The following CPNE4 variants were observed in gnomAD, a reference collection of about 807,000 sequenced individuals.
CPNE4 encodes the protein copine 4.
Under a neutral mutation model 67.9 loss-of-function variants are expected in CPNE4, and 25 were observed. That is an observed-to-expected ratio of 0.37 (90% confidence interval 0.27 to 0.51). The LOEUF is 0.51. Ranked by LOEUF, CPNE4 falls within the 20% of genes least tolerant of loss-of-function variation. The pLI is 0.93. For missense variants in CPNE4, 464 were observed against 690.8 expected (o/e 0.67, Z 3.68); for synonymous variants, 242 against 244.9 (o/e 0.99, Z 0.11).
At chr3:131,817,401 T>A (rs1403782452) in intron 2 of CPNE4, among the ~76,000 whole-genome samples, 4 of 152,136 alleles carry the variant, frequency 2.6e-5, no homozygotes, top group Non-Finnish European at 4.4e-5. Flanking sequence ...ATCTGTTATA[T>A]TCAAGAAACA....
chr3:131,789,595 C>T (rs568907416), intron 2 of CPNE4, among the ~76,000 whole-genome samples: 1 of 152,260 alleles, frequency 6.6e-6, no homozygotes, highest in East Asian at 1.9e-4. Context: ...GCATGTAAAG[C>T]AATACCAGTA....
In CPNE4 at chr3:131,802,720, G is replaced by T. The variant is rs115238420; in HGVS notation, c.181-79095C>A. Among the ~76,000 whole-genome samples, 1,037 of 152,286 alleles carry T rather than the reference G, an allele frequency of 6.8e-3. 13 individuals are homozygous for T. Among genetic ancestry groups the T allele is most frequent in the African/African-American group, 0.023 (959 of 41,562 alleles). On this transcript the variant is annotated intron_variant, in intron 2 of 15. Transcript: ENST00000429747. ...TCAAAGCACAAAATGTTCACGGAGG[G>T]AAACCCTGGAATCTCCCCCTGAAAA...
Position 131,862,724 on chromosome 3 carries a change from A to G in CPNE4, c.180+42540T>C, listed in dbSNP as rs531158947. Among the ~76,000 whole-genome samples, 28 of 150,708 alleles carry G rather than the reference A, an allele frequency of 1.9e-4. No homozygotes were observed. The East Asian group carries it at 5.2e-3, about 28-fold the overall frequency. On this transcript the variant is annotated intron_variant, in intron 2 of 15. Coordinates refer to ENST00000429747, the MANE Select transcript of CPNE4 (RefSeq NM_130808.3). Reference sequence around the variant, plus strand: ...TTATATATATATATATATTTTTATTATACTTGAAGTTTTAAGGTACATGTA... The same window carrying G: ...TTATATATATATATATATTTTTATTGTACTTGAAGTTTTAAGGTACATGTA...
chr3:131,720,989 T>G (rs2081869358), intron 3 of CPNE4, among the ~76,000 whole-genome samples: 1 of 152,192 alleles, frequency 6.6e-6, no homozygotes, highest in Non-Finnish European at 1.5e-5. Flanking sequence ...TTCAAGTCAG[T>G]ATAAATGTCA....
intron 1 of CPNE4, among the ~76,000 whole-genome samples, chr3:131,951,757 G>T (rs1317885347): frequency 6.6e-6 from 1 of 152,218 alleles, no homozygotes; most frequent in African/African-American, 2.4e-5. Flanking sequence ...TGGAGATGGG[G>T]TTTCGCTGTG....
chr3:131,865,571 ATTTG>A (rs1398684834), intron 2 of CPNE4, among the ~76,000 whole-genome samples: 2 of 152,030 alleles, frequency 1.3e-5, no homozygotes, highest in Admixed American at 6.6e-5. Flanking sequence ...CAAGATAATT[ATTTG>A]TTTATGTGCC....
intron 2 of CPNE4, among the ~76,000 whole-genome samples, chr3:131,730,229 A>T (rs1004438338): frequency 6.6e-6 from 1 of 152,190 alleles, no homozygotes; most frequent in African/African-American, 2.4e-5. Context: ...ATTGGGATGC[A>T]TATTATAATT....
At position 131,780,149 on chromosome 3, in the gene CPNE4, A is replaced by T. The variant is rs143459538; in HGVS notation, c.181-56524T>A. 2.0e-3 allele frequency among the ~76,000 whole-genome samples: 310 copies of T among 152,282 alleles called. 2 individuals carry two copies. Among genetic ancestry groups the T allele is most frequent in the Non-Finnish European group, 3.9e-3 (263 of 68,006 alleles). ...AATGAGATATCATCTCACATCAGTCAGAATAGCTATTATTAAAAAGTCAAA... is the reference window on the plus strand; with the variant it reads ...AATGAGATATCATCTCACATCAGTCTGAATAGCTATTATTAAAAAGTCAAA... On this transcript the variant is annotated intron_variant, in intron 2 of 15. Transcript: ENST00000429747.
At chr3:131,659,184 G>T (rs541052238) in intron 7 of CPNE4, among the ~76,000 whole-genome samples, 2 of 152,200 alleles carry the variant, frequency 1.3e-5, no homozygotes, top group African/African-American at 2.4e-5. Context: ...CATAACCAGT[G>T]TTACCAGAAC....
At chr3:131,736,807 A>C (rs568840991) in intron 2 of CPNE4, among the ~76,000 whole-genome samples, 1 of 152,026 alleles carries the variant, frequency 6.6e-6, no homozygotes, top group South Asian at 2.1e-4. Flanking sequence ...CTCCTTTTCT[A>C]CTCTAGAAGA....
intron 2 of CPNE4, among the ~76,000 whole-genome samples, chr3:131,852,685 T>A (rs1199764094): frequency 6.6e-6 from 1 of 151,498 alleles, no homozygotes; most frequent in Non-Finnish European, 1.5e-5. Flanking sequence ...AAAAAAAAAA[T>A]TAGATCAGGA....
At chr3:131,926,476 CAT>C (rs141313982) in intron 1 of CPNE4, among the ~76,000 whole-genome samples, 2,474 of 152,000 alleles carry the variant, frequency 0.016, 62 homozygotes, top group African/African-American at 0.054. Context: ...TGAAAAGAAA[CAT>C]GTGGAGATAT....
At chr3:131,881,642 A>G (rs1195250224) in intron 2 of CPNE4, among the ~76,000 whole-genome samples, 5 of 152,158 alleles carry the variant, frequency 3.3e-5, no homozygotes, top group Non-Finnish European at 5.9e-5. Flanking sequence ...CTTAAACTCC[A>G]CAAGTCTGTC....
intron 7 of CPNE4, among the ~76,000 whole-genome samples, chr3:131,643,283 T>C (rs1024458951): frequency 1.1e-4 from 16 of 152,354 alleles, no homozygotes; most frequent in African/African-American, 3.1e-4. Context: ...GGAAGGTATC[T>C]GGATGTGAGT....
At chr3:131,970,779 T>C (rs1024476695) in intron 1 of CPNE4, among the ~76,000 whole-genome samples, 1 of 152,164 alleles carries the variant, frequency 6.6e-6, no homozygotes, top group Admixed American at 6.5e-5. Flanking sequence ...ATTGTGAATA[T>C]ATGTATGTGT....
intron 7 of CPNE4, among the ~76,000 whole-genome samples, chr3:131,658,959 TG>T (rs2080051545): frequency 6.6e-6 from 1 of 152,174 alleles, no homozygotes; most frequent in Admixed American, 6.5e-5. Context: ...ACTGACTCAA[TG>T]AAAAGGCATC....
chr3:131,692,100 A>G (rs1053589389), intron 5 of CPNE4, among the ~76,000 whole-genome samples: 3 of 152,186 alleles, frequency 2.0e-5, no homozygotes, highest in Non-Finnish European at 4.4e-5. Flanking sequence ...TCAATATAAA[A>G]GAAATTTAGC....
At chr3:131,892,022 C>A (rs2088137814) in intron 2 of CPNE4, among the ~76,000 whole-genome samples, 1 of 152,058 alleles carries the variant, frequency 6.6e-6, no homozygotes, top group African/African-American at 2.4e-5. Context: ...CAGGATAGGA[C>A]CGTAGAGAGG....
intron 7 of CPNE4, among the ~76,000 whole-genome samples, chr3:131,657,577 C>T (rs934191999): frequency 2.1e-5 from 3 of 145,064 alleles, no homozygotes; most frequent in Non-Finnish European, 4.5e-5. Flanking sequence ...ACTCTGTCGC[C>T]AGGCTGGAGA....
Sources: allele counts gnomAD v4.1 joint callset (sites outside exome capture counted in the v4.1 genomes callset), GRCh38; gene constraint gnomAD v4.1.1; transcripts MANE v1.5; gene names NCBI Gene and HGNC (gene_info 2026-07-23, HGNC 2026-07-21).